The following GET4 variants were observed in gnomAD, a reference collection of about 807,000 sequenced individuals.
GET4 encodes Golgi to ER traffic protein 4 homolog.
Under a neutral mutation model 40.0 loss-of-function variants are expected in GET4, and 20 were observed. That is an observed-to-expected ratio of 0.50 (90% CI 0.35 to 0.73). The LOEUF is 0.73. GET4 is among the 30% of genes least tolerant of loss of function. The probability of loss-of-function intolerance (pLI) is 0.01; values close to 1 mark genes in which losing one functional copy is unlikely to be tolerated. For missense variants in GET4, 557 were observed against 454.0 expected, an observed-to-expected ratio of 1.23 and a Z score of -2.06; for synonymous variants, 280 against 194.6, an observed-to-expected ratio of 1.44 and a Z score of -3.65.
At chr7:878,143 C>T (rs1227231810) in intron 1 of GET4, 8 of 398,620 alleles carry the variant, frequency 2.0e-5, no homozygotes, top group South Asian at 1.1e-4. Context: ...GACACCTGCA[C>T]GGCCGGTGTA....
chr7:890,469 T>G (rs1844295119), intron 4 of GET4, among the ~76,000 whole-genome samples: 1 of 150,380 alleles, frequency 6.6e-6, no homozygotes, highest in South Asian at 2.1e-4. Context: ...TTGGGAGTGG[T>G]GTGTGTTCAT....
intron 4 of GET4, among the ~76,000 whole-genome samples, chr7:890,721 T>G (rs1044385068): frequency 2.2e-4 from 34 of 152,034 alleles, no homozygotes; most frequent in African/African-American, 8.0e-4. Context: ...CTGAGTGACT[T>G]TTCCCCGTGG....
chr7:879,855 C>T (rs1456582016), intron 1 of GET4: 1 of 152,226 alleles, frequency 6.6e-6, no homozygotes, highest in Non-Finnish European at 1.5e-5. Flanking sequence ...TCCCAAATGG[C>T]ACGGGTTGTG....
intron 5 of GET4, among the ~76,000 whole-genome samples, chr7:891,487 C>T (rs912967726): frequency 3.3e-5 from 5 of 149,778 alleles, no homozygotes; most frequent in Admixed American, 2.6e-4. Flanking sequence ...TCTGCTCCTG[C>T]GTGGTCCCTT....
intron 1 of GET4, chr7:884,237 C>A (rs1318314006): frequency 1.5e-6 from 2 of 1,304,072 alleles, no homozygotes; most frequent in Non-Finnish European, 1.0e-6. Context: ...CTGGCGGCAT[C>A]GTGAGGCCAG....
intron 1 of GET4, chr7:883,395 G>A: frequency 2.0e-6 from 1 of 508,254 alleles, no homozygotes; most frequent in Non-Finnish European, 2.5e-6. Context: ...TTCGCCCCAT[G>A]AGCTCGGTCT....
intron 3 of GET4, 109 bp downstream of exon 3, chr7:886,759 G>A (rs1454574507): frequency 7.8e-6 from 6 of 767,154 alleles, no homozygotes; most frequent in African/African-American, 5.1e-5. Context: ...CTTGTGTGCT[G>A]TGGGGTGAAC....
intron 1 of GET4, chr7:881,256 A>G (rs969392906): frequency 5.3e-5 from 8 of 152,228 alleles, no homozygotes; most frequent in Non-Finnish European, 7.3e-5. Context: ...GTGAGGTCTG[A>G]CATGAATGAA....
intron 6 of GET4, among the ~76,000 whole-genome samples, chr7:892,875 GTGT>G (rs1242091164): frequency 6.6e-6 from 1 of 151,686 alleles, no homozygotes; most frequent in African/African-American, 2.4e-5. Flanking sequence ...GCAGGTATGT[GTGT>G]TGTGTGTAGA....
chr7:891,697 G>A (rs1000815660), intron 5 of GET4, among the ~76,000 whole-genome samples: 1 of 152,258 alleles, frequency 6.6e-6, no homozygotes, highest in Non-Finnish European at 1.5e-5. Flanking sequence ...ATTTGATGTA[G>A]GATTTGGGGA....
At chr7:881,570 C>G (rs892220988) in intron 1 of GET4, 2 of 152,208 alleles carry the variant, frequency 1.3e-5, no homozygotes, top group Admixed American at 6.5e-5. Context: ...ATCCCTTCAG[C>G]TGTCGGGTAA....
At chr7:877,167 C>T (rs1405760136) in intron 1 of GET4, among the ~76,000 whole-genome samples, 2 of 151,434 alleles carry the variant, frequency 1.3e-5, no homozygotes, top group African/African-American at 4.9e-5. Flanking sequence ...GTCTCTGTCT[C>T]TCTCCGGCCG....
At chr7:891,913 G>A (rs779881251) in intron 5 of GET4, among the ~76,000 whole-genome samples, 18 of 152,372 alleles carry the variant, frequency 1.2e-4, no homozygotes, top group African/African-American at 4.1e-4. Flanking sequence ...GGGTCTGTGC[G>A]GCACCCACCA....
At chr7:880,793 C>T (rs759853211) in intron 1 of GET4, 13 of 152,242 alleles carry the variant, frequency 8.5e-5, no homozygotes, top group Non-Finnish European at 1.2e-4. Flanking sequence ...GGTAGAATTC[C>T]GTGTGGATTC....
rs199579429 is a variant in GET4, at chr7:894,014, C to T, written c.895+43C>T. ...TGTCACACCCACTCCAGCCCTGGGT[C>T]GGTGTGGGGTCATCATCTCTGCCCA... On this transcript the variant is annotated intron_variant, in intron 8 of 8. Transcript: ENST00000265857. 4.8e-5 allele frequency: 66 copies of T among 1,361,022 alleles called. No homozygotes were observed. In the East Asian group the frequency reaches 8.7e-4, roughly 18 times the overall value. The allele number at this position is 1,361,022 out of a possible 1,614,324, so 84.3% of individuals were successfully genotyped here.
chr7:892,187 A>G (rs550463373), intron 5 of GET4, 91 bp from the exon 6 acceptor site: 2 of 1,371,162 alleles, frequency 1.5e-6, no homozygotes, highest in East Asian at 4.7e-5. Flanking sequence ...TGGGCGCACG[A>G]GCTTGGGAAG....
Position 895,395 on chromosome 7 carries a change from C to G in GET4, c.957C>G (p.Ser319Arg). ...SEQEDGEESP[S>R]DGSPIELD ...AGGAGGATGGGGAGGAGAGCCCCAGCGACGGCAGCCCCATCGAGCTGGACT... is the reference window on the plus strand; with the variant it reads ...AGGAGGATGGGGAGGAGAGCCCCAGGGACGGCAGCCCCATCGAGCTGGACT... Residue 319 changes from serine (S) to arginine (R), a missense_variant, in exon 9 of 9, where the codon AGC (serine) becomes AGG (arginine). Coordinates refer to ENST00000265857, the MANE Select transcript of GET4 (RefSeq NM_015949.3). 3.1e-6 allele frequency: 5 copies of G among 1,590,996 alleles called. No homozygotes were observed. The highest frequency in any genetic ancestry group is 4.3e-6 in the Non-Finnish European group (5 of 1,161,034).
intron 1 of GET4, chr7:884,471 C>A (rs1009935012): frequency 1.4e-6 from 1 of 729,170 alleles, no homozygotes; most frequent in Non-Finnish European, 2.0e-6. Flanking sequence ...TGCAGGCTGA[C>A]GGGGGTGCGG....
intron 5 of GET4, among the ~76,000 whole-genome samples, chr7:892,034 G>A (rs1392300947): frequency 6.6e-6 from 1 of 152,264 alleles, no homozygotes. Flanking sequence ...GCTCAGGCTG[G>A]GGCCCGGCTC....
Sources: gnomAD v4.1 joint callset for allele counts (sites outside exome capture counted in the v4.1 genomes callset) on GRCh38, gnomAD v4.1.1 for gene constraint, MANE v1.5 for transcripts, NCBI Gene and HGNC (gene_info 2026-07-23, HGNC 2026-07-21) for gene names.